The following FHIT variants were observed in gnomAD, a reference collection of about 807,000 sequenced individuals.
FHIT encodes bis(5'-adenosyl)-triphosphatase.
In FHIT, 19 loss-of-function variants were observed where a neutral mutation model predicts 17.9. The observed-to-expected ratio is 1.06, with a 90% CI of 0.74 to 1.56. The LOEUF (loss-of-function observed/expected upper bound fraction) is 1.56, where lower values mean the gene tolerates loss of function less well. Ranked by LOEUF, FHIT falls within the 40% of genes most tolerant of loss-of-function variation. The probability of loss-of-function intolerance (pLI) is 0.00; values close to 1 mark genes in which losing one functional copy is unlikely to be tolerated. For synonymous variants in FHIT, 81 were observed against 69.7 expected (o/e 1.16, Z -0.81); for missense variants, 248 against 189.2 (o/e 1.31, Z -1.82).
At position 59,936,300 on chromosome 3, in the gene FHIT, T is replaced by C. The variant is rs189359269; in HGVS notation, c.280-13886A>G. On this transcript the variant is annotated intron_variant, in intron 7 of 9. Coordinates refer to ENST00000492590, the MANE Select transcript of FHIT (RefSeq NM_002012.4). ...TTTATTTATACATCATATCAGAACA[T>C]TAATTTGTAGAGTGATTCCCTCTGG... 2.1e-3 allele frequency among the ~76,000 whole-genome samples: 321 copies of C among 152,218 alleles called. 1 individual carries two copies. The highest frequency in any genetic ancestry group is 7.4e-3 in the African/African-American group (308 of 41,532).
At chr3:59,783,093 C>G (rs1056067537) in intron 8 of FHIT, among the ~76,000 whole-genome samples, 1 of 152,154 alleles carries the variant, frequency 6.6e-6, no homozygotes, top group African/African-American at 2.4e-5. Flanking sequence ...GGCTCTGACT[C>G]TGATCCCAGA....
chr3:61,082,381 G>C (rs980802626), intron 2 of FHIT, among the ~76,000 whole-genome samples: 12 of 152,284 alleles, frequency 7.9e-5, no homozygotes, highest in African/African-American at 2.9e-4. Context: ...CTGTTAGAAT[G>C]ATCCTTGCTG....
At chr3:60,497,464 T>C (rs2034347754) in intron 5 of FHIT, among the ~76,000 whole-genome samples, 1 of 152,220 alleles carries the variant, frequency 6.6e-6, no homozygotes. Context: ...ACACAGTTAA[T>C]TTCTAAATTT....
chr3:60,762,046 A>G (rs1171166069), intron 4 of FHIT, among the ~76,000 whole-genome samples: 1 of 152,176 alleles, frequency 6.6e-6, no homozygotes, highest in African/African-American at 2.4e-5. Context: ...TCAGTGATTA[A>G]CATAAAGGGC....
intron 5 of FHIT, among the ~76,000 whole-genome samples, chr3:60,369,073 A>T (rs556669500): frequency 7.0e-4 from 107 of 151,960 alleles, no homozygotes; most frequent in African/African-American, 2.5e-3. Context: ...CCCAGGCTCA[A>T]GCAATCCTCC....
chr3:60,851,706 T>C (rs186151148), intron 3 of FHIT, among the ~76,000 whole-genome samples: 16 of 152,280 alleles, frequency 1.1e-4, no homozygotes, highest in Non-Finnish European at 2.2e-4. Context: ...TCATGTCACA[T>C]AGACCCCATT....
chr3:59,826,650 G>A (rs1188694434), intron 8 of FHIT, among the ~76,000 whole-genome samples: 1 of 152,232 alleles, frequency 6.6e-6, no homozygotes, highest in Non-Finnish European at 1.5e-5. Context: ...ATGTGCGCGA[G>A]TGCGCGCGAG....
chr3:61,195,333 T>C (rs2038825616), intron 2 of FHIT, among the ~76,000 whole-genome samples: 1 of 152,166 alleles, frequency 6.6e-6, no homozygotes, highest in Non-Finnish European at 1.5e-5. Context: ...ACTAGTGTGA[T>C]GATCTCACCT....
chr3:60,573,144 A>G (rs1553656317), intron 4 of FHIT, among the ~76,000 whole-genome samples: 2 of 152,028 alleles, frequency 1.3e-5, no homozygotes, highest in Non-Finnish European at 2.9e-5. Context: ...GGGGTCAGGA[A>G]GGTTAACCAT....
At chr3:60,675,269 A>T (rs1244869228) in intron 4 of FHIT, among the ~76,000 whole-genome samples, 1 of 152,144 alleles carries the variant, frequency 6.6e-6, no homozygotes, top group Non-Finnish European at 1.5e-5. Context: ...CTCCACTACC[A>T]CCATCAACAC....
rs75081842 is a variant in FHIT, at chr3:60,826,221, G to C, written c.-110-4210C>G. On this transcript the variant is annotated intron_variant, in intron 3 of 9. Coordinates refer to ENST00000492590, the MANE Select transcript of FHIT (RefSeq NM_002012.4). The stretch of plus-strand genomic sequence containing the variant: ...AGGAAGGAAGGAAGGAAAGAAGGAA[G>C]GAAGGGAGTTACCAGTTCTGGACTG... Among the ~76,000 whole-genome samples the C allele has an allele frequency of 1.6e-3, 234 of 149,348 alleles. 3 individuals are homozygous for C. In the East Asian group the frequency reaches 0.041, roughly 26 times the overall value.
intron 5 of FHIT, among the ~76,000 whole-genome samples, chr3:60,255,884 C>T (rs966896277): frequency 7.9e-5 from 12 of 152,002 alleles, no homozygotes; most frequent in Non-Finnish European, 2.9e-5. Context: ...AAACAAACAA[C>T]AAACTGGTGT....
intron 8 of FHIT, among the ~76,000 whole-genome samples, chr3:59,795,613 A>G (rs61546687): frequency 0.012 from 1,765 of 152,166 alleles, 42 homozygotes; most frequent in African/African-American, 0.04. Context: ...AGTCCCAGCT[A>G]CTCAGGAGAC....
At chr3:59,757,306 C>T (rs1559576734) in intron 8 of FHIT, among the ~76,000 whole-genome samples, 1 of 152,156 alleles carries the variant, frequency 6.6e-6, no homozygotes, top group Non-Finnish European at 1.5e-5. Flanking sequence ...TTCTGCACAG[C>T]TTTGAAAAGA....
chr3:60,082,851 A>G (rs1428486655), intron 5 of FHIT, among the ~76,000 whole-genome samples: 1 of 152,006 alleles, frequency 6.6e-6, no homozygotes, highest in Non-Finnish European at 1.5e-5. Context: ...TTGAAGTTCC[A>G]TATAGATTCT....
chr3:60,786,821 G>C (rs1553727092), intron 4 of FHIT, among the ~76,000 whole-genome samples: 1 of 151,962 alleles, frequency 6.6e-6, no homozygotes, highest in East Asian at 1.9e-4. Context: ...TGAATGAATG[G>C]GCTGATTTTC....
intron 8 of FHIT, among the ~76,000 whole-genome samples, chr3:59,891,859 C>G (rs1703869586): frequency 6.6e-6 from 1 of 152,194 alleles, no homozygotes; most frequent in African/African-American, 2.4e-5. Flanking sequence ...AAGGAATCCA[C>G]ATGCACTCTG....
intron 5 of FHIT, among the ~76,000 whole-genome samples, chr3:60,130,386 C>T (rs897193150): frequency 1.3e-5 from 2 of 152,134 alleles, no homozygotes; most frequent in East Asian, 1.9e-4. Flanking sequence ...ACTATCCATG[C>T]TCACAACAAC....
intron 3 of FHIT, among the ~76,000 whole-genome samples, chr3:60,927,345 T>A (rs1553770259): frequency 2.6e-5 from 4 of 152,122 alleles, no homozygotes. Context: ...AACCTCCACC[T>A]CCCAGCCGCC....
Sources: allele counts gnomAD v4.1 joint callset (sites outside exome capture counted in the v4.1 genomes callset), GRCh38; gene constraint gnomAD v4.1.1; transcripts MANE v1.5; gene names NCBI Gene and HGNC (gene_info 2026-07-23, HGNC 2026-07-21).